Variants in FKBP7 observed in about 807,000 individuals in gnomAD.
The protein encoded by FKBP7 is FKBP prolyl isomerase 7.
FKBP7 carries 24 observed loss-of-function variants against 24.3 expected under a neutral mutation model. The observed-to-expected ratio is 0.99, with a 90% CI of 0.72 to 1.39. The LOEUF is 1.39. Ranked by LOEUF, FKBP7 falls within the 40% of genes most tolerant of loss-of-function variation. FKBP7 has a pLI of 0.00. For synonymous variants in FKBP7, 98 were observed against 92.8 expected (o/e 1.06, Z -0.32); for missense variants, 257 against 269.5 (o/e 0.95, Z 0.33).
intron 2 of FKBP7, 112 bp downstream of exon 2, chr2:178,476,950 C>T (rs1685026447): frequency 1.3e-6 from 1 of 778,748 alleles, no homozygotes; most frequent in East Asian, 2.7e-5. Context: ...CATGGCTGTA[C>T]AAATATTTCT....
chr2:178,478,423 T>A lies in FKBP7; in HGVS notation c.77A>T (p.Gln26Leu). The change falls in exon 1 of 4, where the codon CAA becomes CTA. Residue 26 changes from glutamine to leucine, a missense_variant. Gln to Leu is a moderately radical substitution (Grantham distance 113). Transcript: ENST00000424785. Reference sequence around the variant, plus strand: ...TTCTTCGGTGCTCTCCTCTTTCTTTTGTCTCTGAGCAGTAAAAAGGCCCCA... The same window carrying A: ...TTCTTCGGTGCTCTCCTCTTTCTTTAGTCTCTGAGCAGTAAAAAGGCCCCA... ...YLWGLFTAQR[Q>L]KKEESTEEVK... 1.2e-6 allele frequency: 2 copies of A among 1,606,770 alleles called. No homozygotes were observed. Among genetic ancestry groups the A allele is most frequent in the Non-Finnish European group, 1.7e-6 (2 of 1,173,352 alleles).
At chr2:178,471,742 C>A (rs1684852204) in intron 2 of FKBP7, among the ~76,000 whole-genome samples, 1 of 152,068 alleles carries the variant, frequency 6.6e-6, no homozygotes, top group South Asian at 2.1e-4. Flanking sequence ...ACAGCAATTT[C>A]TTTAATAAAA....
At chr2:178,476,143 A>C (rs1285085488) in intron 2 of FKBP7, among the ~76,000 whole-genome samples, 1 of 152,226 alleles carries the variant, frequency 6.6e-6, no homozygotes, top group Admixed American at 6.5e-5. Flanking sequence ...CTTAAGGTAG[A>C]GCTTATAGAA....
At chr2:178,474,264 G>A (rs900623957) in intron 2 of FKBP7, among the ~76,000 whole-genome samples, 3 of 152,160 alleles carry the variant, frequency 2.0e-5, no homozygotes, top group African/African-American at 7.2e-5. Flanking sequence ...GCAGCAACAC[G>A]GAGCAAGAAC....
chr2:178,469,666 G>A lies in FKBP7; in HGVS notation c.493C>T (p.Leu165Phe), dbSNP rs922839865. Residue 165 changes from leucine to phenylalanine, a missense_variant, in exon 3 of 4, where the codon CTC (leucine) becomes TTC (phenylalanine). Coordinates refer to ENST00000424785, the MANE Select transcript of FKBP7 (RefSeq NM_181342.3). Reference sequence around the variant, plus strand: ...GTTTGAATTACCTCGGCTTTAGAGAGCTGCCTGTCATTGTCCATGTCTATT... The same window carrying A: ...GTTTGAATTACCTCGGCTTTAGAGAACTGCCTGTCATTGTCCATGTCTATT... ...KQIDMDNDRQLSKAEINLYLQ... is the reference protein window; with the variant it reads ...KQIDMDNDRQFSKAEINLYLQ... 4 of 1,613,892 alleles carry A rather than the reference G, an allele frequency of 2.5e-6. No homozygotes were observed. Among genetic ancestry groups the A allele is most frequent in the Non-Finnish European group, 3.4e-6 (4 of 1,179,948 alleles).
Position 178,478,359 on chromosome 2 carries a change from A to G in FKBP7, c.141T>C (p.Ser47=). 1 of 1,614,164 alleles carries G rather than the reference A, an allele frequency of 6.2e-7. No individual in the cohort carries two copies. Among genetic ancestry groups the G allele is most frequent in the South Asian group, 1.1e-5 (1 of 91,086 alleles). ...IEVLHRPENC[S]KTSKKGDLLN... ...GTAGGTCTCCCTTCTTGCTTGTCTT[A>G]GAGCAGTTTTCTGGACGATGCAAAA... The change falls in exon 1 of 4, where the codon TCT becomes TCC. Residue 47 remains serine, a synonymous_variant. Coordinates refer to ENST00000424785, the MANE Select transcript of FKBP7 (RefSeq NM_181342.3).
At chr2:178,475,126 C>A (rs904817340) in intron 2 of FKBP7, among the ~76,000 whole-genome samples, 1 of 152,166 alleles carries the variant, frequency 6.6e-6, no homozygotes, top group Admixed American at 6.5e-5. Flanking sequence ...GGTTTCCAAC[C>A]TTTTGCCACC....
chr2:178,466,391 A>G (rs1024821645), intron 3 of FKBP7, among the ~76,000 whole-genome samples: 1 of 152,158 alleles, frequency 6.6e-6, no homozygotes, highest in African/African-American at 2.4e-5. Context: ...CTATGCTTCT[A>G]TAGCTCTCCT....
intron 2 of FKBP7, among the ~76,000 whole-genome samples, chr2:178,475,385 A>G (rs1684971299): frequency 6.6e-6 from 1 of 152,014 alleles, no homozygotes; most frequent in Non-Finnish European, 1.5e-5. Flanking sequence ...ACACTCTACC[A>G]CACCCAGCTA....
chr2:178,472,079 T>C (rs1684861341), intron 2 of FKBP7, among the ~76,000 whole-genome samples: 1 of 122,264 alleles, frequency 8.2e-6, no homozygotes, highest in African/African-American at 4.0e-5. Flanking sequence ...TTTCTTTTCG[T>C]TTTTTTTTTT....
rs1489991866 is a variant in FKBP7 at position 178,465,608 on chromosome 2, C to T, written c.*162G>A. 9 of 567,610 alleles carry T rather than the reference C, an allele frequency of 1.6e-5. No homozygotes were observed. The East Asian group carries it at 3.1e-4, about 20-fold the overall frequency. 35.2% of individuals were successfully genotyped at this position (567,610 alleles called of 1,614,324 possible). A position where few individuals can be genotyped will look rare whatever the true frequency, so the allele number is the denominator to read the frequency against. On this transcript the variant is annotated 3_prime_UTR_variant, in exon 4 of 4. Coordinates refer to ENST00000424785, the MANE Select transcript of FKBP7 (RefSeq NM_181342.3). ...ATACCATTCCTGCAAGTTAAGTTTG[C>T]AAAACAGCCTCACATTTATTATACC...
chr2:178,472,901 G>GTTTTT, intron 2 of FKBP7: 1 of 177,208 alleles, frequency 5.6e-6, no homozygotes, highest in South Asian at 6.1e-5. Flanking sequence ...TCTTTTTCTT[G>GTTTTT]TTTTTTTTTT....
At chr2:178,477,493 C>A (rs1418931562) in intron 1 of FKBP7, among the ~76,000 whole-genome samples, 1 of 152,156 alleles carries the variant, frequency 6.6e-6, no homozygotes, top group Non-Finnish European at 1.5e-5. Flanking sequence ...CAGCCCCTAA[C>A]TAGGTGCATG....
Position 178,477,160 on chromosome 2 carries a change from A to T in FKBP7, c.275T>A (p.Val92Asp). The T allele has an allele frequency of 6.2e-7, 1 of 1,613,164 alleles. No individual in the cohort carries two copies. The highest frequency in any genetic ancestry group is 1.1e-5 in the South Asian group (1 of 90,838). ...CATAGCAATGTCTAGGCCTTTTATGACTTGCCCAACACCAAGAACAAACCA... is the reference window on the plus strand; with the variant it reads ...CATAGCAATGTCTAGGCCTTTTATGTCTTGCCCAACACCAAGAACAAACCA... Reference protein sequence around the residue: ...PKWFVLGVGQVIKGLDIAMTD... With the variant: ...PKWFVLGVGQDIKGLDIAMTD... Residue 92 changes from valine (V) to aspartate (D), a missense_variant, in exon 2 of 4, where the codon GTC (valine) becomes GAC (aspartate). Physicochemically the swap from Val to Asp is radical, Grantham distance 152 (BLOSUM62 -3). Coordinates refer to ENST00000424785, the MANE Select transcript of FKBP7 (RefSeq NM_181342.3).
intron 2 of FKBP7, among the ~76,000 whole-genome samples, chr2:178,472,119 G>T (rs1353470416): frequency 6.8e-6 from 1 of 148,094 alleles, no homozygotes. Flanking sequence ...CTGTTGCCCA[G>T]GCTGTAGTGC....
Position 178,464,245 on chromosome 2 carries a change from T to G in FKBP7, c.*1525A>C, listed in dbSNP as rs1337243256. ...GCAAGTTTCAGAAGGTAGAAAAAACTTTACTTGTTTGGAACTCAATTATTT... is the reference window on the plus strand; with the variant it reads ...GCAAGTTTCAGAAGGTAGAAAAAACGTTACTTGTTTGGAACTCAATTATTT... On this transcript the variant is annotated 3_prime_UTR_variant, in exon 4 of 4. Transcript: ENST00000424785. The G allele has an allele frequency of 2.0e-5, 3 of 152,218 alleles. No individual in the cohort carries two copies. 9.4% of individuals were successfully genotyped at this position (152,218 alleles called of 1,614,324 possible).
intron 2 of FKBP7, among the ~76,000 whole-genome samples, chr2:178,472,537 C>T (rs137968292): frequency 0.01 from 1,538 of 151,796 alleles, 37 homozygotes; most frequent in Non-Finnish European, 0.013. Flanking sequence ...TGCAATGGCG[C>T]GATCTCGGCT....
rs550885359 is a variant in FKBP7 at position 178,464,096 on chromosome 2, G to A, written c.*1674C>T. 6.6e-6 allele frequency: 1 copy of A among 151,992 alleles called. No individual in the cohort carries two copies. The highest frequency in any genetic ancestry group is 2.1e-4 in the South Asian group (1 of 4,812). The allele number at this position is 151,992 out of a possible 1,614,324, so 9.4% of individuals were successfully genotyped here. A position where few individuals can be genotyped will look rare whatever the true frequency, so the allele number is the denominator to read the frequency against. On this transcript the variant is annotated 3_prime_UTR_variant, in exon 4 of 4. Coordinates refer to ENST00000424785, the MANE Select transcript of FKBP7 (RefSeq NM_181342.3). ...CATATGTATTATTTACTAATCTCATGGTTGTGTTACCCCTATGTATACTTT... is the reference window on the plus strand; with the variant it reads ...CATATGTATTATTTACTAATCTCATAGTTGTGTTACCCCTATGTATACTTT...
chr2:178,469,504 C>A, intron 3 of FKBP7, 148 bp downstream of exon 3: 1 of 799,918 alleles, frequency 1.3e-6, no homozygotes, highest in Non-Finnish European at 2.0e-6. Context: ...TTTTTCTAAG[C>A]GCTTAGATTA....
Sources: gnomAD v4.1 joint callset for allele counts (sites outside exome capture counted in the v4.1 genomes callset) on GRCh38, gnomAD v4.1.1 for gene constraint, MANE v1.5 for transcripts, NCBI Gene and HGNC (gene_info 2026-07-23, HGNC 2026-07-21) for gene names.